Variants in CCDC158 observed in about 807,000 individuals in gnomAD.
The protein encoded by CCDC158 is coiled-coil domain containing 158.
CCDC158 carries 116 observed loss-of-function variants against 138.6 expected under a neutral mutation model. The ratio of observed to expected loss-of-function variants is 0.84; its 90% CI spans 0.72 to 0.98. The LOEUF is 0.98. Ranked by LOEUF, CCDC158 falls within the 50% of genes least tolerant of loss-of-function variation. CCDC158 has a pLI of 0.00. For synonymous variants in CCDC158, 436 were observed against 442.4 expected, an observed-to-expected ratio of 0.99 and a Z score of 0.18; for missense variants, 1,265 against 1,306.1, an observed-to-expected ratio of 0.97 and a Z score of 0.48.
chr4:76,327,592 G>A (rs1720644080), intron 22 of CCDC158, among the ~76,000 whole-genome samples: 1 of 152,034 alleles, frequency 6.6e-6, no homozygotes, highest in African/African-American at 2.4e-5. Flanking sequence ...AACACACTGT[G>A]GTATGACATT....
chr4:76,390,958 T>C (rs1002611540), intron 4 of CCDC158, among the ~76,000 whole-genome samples: 5 of 151,910 alleles, frequency 3.3e-5, no homozygotes, highest in Admixed American at 6.6e-5. Context: ...TATGGAGCCA[T>C]GACTGCAGCA....
intron 18 of CCDC158, among the ~76,000 whole-genome samples, chr4:76,350,343 G>A (rs1218603222): frequency 3.9e-5 from 6 of 152,090 alleles, no homozygotes; most frequent in African/African-American, 1.4e-4. Flanking sequence ...CAGATTACTG[G>A]TGATCCTGTT....
intron 16 of CCDC158, 95 bp downstream of exon 16, chr4:76,353,028 A>G: frequency 1.0e-6 from 1 of 963,910 alleles, no homozygotes; most frequent in Non-Finnish European, 1.5e-6. Context: ...TGATACATTC[A>G]GTTCCTGTCT....
chr4:76,378,004 A>G (rs566382020), intron 9 of CCDC158, among the ~76,000 whole-genome samples: 31 of 152,334 alleles, frequency 2.0e-4, no homozygotes, highest in African/African-American at 6.7e-4. Flanking sequence ...AAGATGAACT[A>G]TATTTCTTAC....
intron 4 of CCDC158, among the ~76,000 whole-genome samples, chr4:76,390,685 G>A (rs554263645): frequency 6.6e-6 from 1 of 152,084 alleles, no homozygotes; most frequent in East Asian, 1.9e-4. Flanking sequence ...AAGACATAGA[G>A]TGGTTGAATG....
chr4:76,379,753 C>T (rs1307984001), intron 8 of CCDC158, among the ~76,000 whole-genome samples: 1 of 141,682 alleles, frequency 7.1e-6, no homozygotes, highest in East Asian at 2.0e-4. Context: ...TACACACACA[C>T]ACACACACAC....
intron 18 of CCDC158, among the ~76,000 whole-genome samples, chr4:76,341,175 T>G (rs1273576084): frequency 6.6e-6 from 1 of 152,218 alleles, no homozygotes; most frequent in African/African-American, 2.4e-5. Flanking sequence ...CTGTTTTTTC[T>G]AATGGCCTTA....
At chr4:76,393,913 T>A (rs1300711940) in intron 4 of CCDC158, among the ~76,000 whole-genome samples, 1 of 152,090 alleles carries the variant, frequency 6.6e-6, no homozygotes, top group Non-Finnish European at 1.5e-5. Context: ...GAAATGCAAA[T>A]CTGAACTACA....
intron 17 of CCDC158, among the ~76,000 whole-genome samples, 193 bp from the exon 18 acceptor site, chr4:76,351,314 C>A (rs113856518): frequency 6.9e-6 from 1 of 144,310 alleles, no homozygotes; most frequent in South Asian, 2.1e-4. Context: ...AAAAAAAAAA[C>A]GTTTTGTCAT....
rs200016692 is a variant in CCDC158, at chr4:76,384,167, C to T, written c.647G>A (p.Arg216His). 6.7e-5 allele frequency: 108 copies of T among 1,614,044 alleles called. No individual in the cohort carries two copies. Among genetic ancestry groups the T allele is most frequent in the African/African-American group, 2.1e-4 (16 of 75,030 alleles). ...TTTACTAATAGCTGAGCCCAAGCTGCGGAAGTGCAGAGTAGACATGCTGTC... is the reference window on the plus strand; with the variant it reads ...TTTACTAATAGCTGAGCCCAAGCTGTGGAAGTGCAGAGTAGACATGCTGTC... ...EHDSMSTLHF[R>H]SLGSAISKIL... The change falls in exon 6 of 25, where the codon CGC becomes CAC. Residue 216 changes from arginine (R) to histidine (H), a missense_variant. By Grantham distance (29) the Arg-to-His change is conservative. Coordinates refer to ENST00000682701, the MANE Select transcript of CCDC158 (RefSeq NM_001394954.1).
intron 7 of CCDC158, among the ~76,000 whole-genome samples, 189 bp downstream of exon 7, chr4:76,383,473 T>A (rs550370560): frequency 9.9e-5 from 15 of 152,252 alleles, no homozygotes; most frequent in African/African-American, 3.1e-4. Flanking sequence ...TGTAATCATC[T>A]CAAATGACAT....
chr4:76,372,587 C>CA (rs1725343491), intron 9 of CCDC158, among the ~76,000 whole-genome samples: 3 of 152,108 alleles, frequency 2.0e-5, no homozygotes, highest in Non-Finnish European at 4.4e-5. Context: ...TGAATGGTAA[C>CA]AAGTTATTAG....
rs1443298328 is a variant in CCDC158 at position 76,343,679 on chromosome 4, T to C, written c.2664+7317A>G. On this transcript the variant is annotated intron_variant, in intron 18 of 24. Coordinates refer to ENST00000682701, the MANE Select transcript of CCDC158 (RefSeq NM_001394954.1). The stretch of plus-strand genomic sequence containing the variant: ...AGCCAGGTGTGGTGGCGGGTGCCTG[T>C]AATCCCAGCTACTCAGGAGACTGAG... Among the ~76,000 whole-genome samples, 3 of 152,134 alleles carry C rather than the reference T, an allele frequency of 2.0e-5. 1 individual carries two copies. Among genetic ancestry groups the C allele is most frequent in the Admixed American group, 1.3e-4 (2 of 15,264 alleles).
chr4:76,406,934 C>A (rs2109884741), intron 2 of CCDC158, among the ~76,000 whole-genome samples: 1 of 151,454 alleles, frequency 6.6e-6, no homozygotes, highest in East Asian at 1.9e-4. Flanking sequence ...AATGGGTGAA[C>A]TAAAAGAAAG....
chr4:76,313,452 T>C (rs1398955403), intron 24 of CCDC158, among the ~76,000 whole-genome samples: 1 of 152,020 alleles, frequency 6.6e-6, no homozygotes, highest in African/African-American at 2.4e-5. Flanking sequence ...TTCAGGTGTT[T>C]TATTTACTTA....
At chr4:76,413,787 C>G (rs17001932) in intron 1 of CCDC158, among the ~76,000 whole-genome samples, 4,463 of 152,230 alleles carry the variant, frequency 0.029, 223 homozygotes, top group African/African-American at 0.1. Context: ...CCAACAAAAA[C>G]CTGACCTAAA....
intron 20 of CCDC158, 44 bp from the exon 21 acceptor site, chr4:76,331,447 A>C: frequency 6.5e-7 from 1 of 1,534,190 alleles, no homozygotes; most frequent in Non-Finnish European, 9.0e-7. Flanking sequence ...AAATAATGTT[A>C]TTTCCTTACC....
intron 18 of CCDC158, among the ~76,000 whole-genome samples, chr4:76,337,268 C>G (rs933783787): frequency 6.6e-6 from 1 of 152,098 alleles, no homozygotes; most frequent in Non-Finnish European, 1.5e-5. Context: ...CCCATGTGAA[C>G]CACCATGCCT....
At chr4:76,374,498 C>A (rs755307542) in intron 9 of CCDC158, among the ~76,000 whole-genome samples, 9 of 152,148 alleles carry the variant, frequency 5.9e-5, no homozygotes, top group Admixed American at 2.0e-4. Flanking sequence ...ACATAACTTC[C>A]CTGTGTTTCC....
Sources: gnomAD v4.1 joint callset for allele counts (sites outside exome capture counted in the v4.1 genomes callset) on GRCh38, gnomAD v4.1.1 for gene constraint, MANE v1.5 for transcripts, NCBI Gene and HGNC (gene_info 2026-07-23, HGNC 2026-07-21) for gene names.